Variants in UNC5D observed in about 807,000 individuals in gnomAD.
UNC5D encodes netrin receptor UNC5D.
In UNC5D, 39 loss-of-function variants were observed where a neutral mutation model predicts 105.4. The observed-to-expected ratio is 0.37, with a 90% CI of 0.29 to 0.48. UNC5D has a LOEUF of 0.48. Ranked by LOEUF, UNC5D falls within the 20% of genes least tolerant of loss-of-function variation. The pLI is 0.98. For synonymous variants in UNC5D, 452 were observed against 450.4 expected (o/e 1.00, Z -0.04); for missense variants, 991 against 1,202.4 (o/e 0.82, Z 2.60).
chr8:35,266,277 G>A (rs969252528), intron 1 of UNC5D, among the ~76,000 whole-genome samples: 3 of 152,164 alleles, frequency 2.0e-5, no homozygotes, highest in Non-Finnish European at 2.9e-5. Context: ...TTGTAAAGGT[G>A]CCTGAAATAA....
In UNC5D at chr8:35,470,807, T is replaced by TAAAATA. The variant is rs11402474; in HGVS notation, c.104-78482_104-78481insATAAAA. Among the ~76,000 whole-genome samples, 69 of 130,522 alleles carry TAAAATA rather than the reference T, an allele frequency of 5.3e-4. 1 individual carries two copies. Among genetic ancestry groups the TAAAATA allele is most frequent in the African/African-American group, 1.7e-3 (58 of 34,706 alleles). The allele number at this position is 130,522 out of a possible 152,430, so 85.6% of individuals were successfully genotyped here. A position where few individuals can be genotyped will look rare whatever the true frequency, so the allele number is the denominator to read the frequency against. ...ATAAATAAATAAATAAATAAATAAA[T>TAAAATA]AAATAAAATAAAAAGAATGAGCAGA... On this transcript the variant is annotated intron_variant, in intron 1 of 16. Transcript: ENST00000404895.
At chr8:35,652,095 T>C (rs1823446280) in intron 4 of UNC5D, among the ~76,000 whole-genome samples, 1 of 152,202 alleles carries the variant, frequency 6.6e-6, no homozygotes, top group South Asian at 2.1e-4. Context: ...ATAGAAGTTG[T>C]TATATATGAG....
intron 1 of UNC5D, among the ~76,000 whole-genome samples, chr8:35,516,393 C>T (rs936471407): frequency 6.6e-6 from 1 of 152,188 alleles, no homozygotes; most frequent in African/African-American, 2.4e-5. Context: ...TTGCACCAGA[C>T]GTTTGTACTT....
At chr8:35,571,112 A>C (rs1191945729) in intron 3 of UNC5D, among the ~76,000 whole-genome samples, 1 of 152,126 alleles carries the variant, frequency 6.6e-6, no homozygotes, top group Non-Finnish European at 1.5e-5. Context: ...CAGCCTCCCA[A>C]AGTGCTGGGA....
chr8:35,519,370 TC>T (rs1196336308), intron 1 of UNC5D, among the ~76,000 whole-genome samples: 1 of 152,146 alleles, frequency 6.6e-6, no homozygotes, highest in African/African-American at 2.4e-5. Flanking sequence ...ATATATTATG[TC>T]CCATCTGCTT....
At chr8:35,586,670 C>A (rs1818815393) in intron 3 of UNC5D, among the ~76,000 whole-genome samples, 1 of 152,072 alleles carries the variant, frequency 6.6e-6, no homozygotes, top group Non-Finnish European at 1.5e-5. Flanking sequence ...AGATTCAAAG[C>A]CTATTTGAAT....
At position 35,688,243 on chromosome 8, in the gene UNC5D, C is replaced by CA. The variant is rs572052920; in HGVS notation, c.1084+1548dup. Among the ~76,000 whole-genome samples, 1,174 of 128,778 alleles carry CA rather than the reference C, an allele frequency of 9.1e-3. 7 individuals are homozygous for CA. Among genetic ancestry groups the CA allele is most frequent in the South Asian group, 0.016 (64 of 4,030 alleles). The allele number at this position is 128,778 out of a possible 152,430, so 84.5% of individuals were successfully genotyped here. A position where few individuals can be genotyped will look rare whatever the true frequency, so the allele number is the denominator to read the frequency against. ...GGAAATTTCTCTGGGAAATATCCAG[C>CA]AAAAAAAAAAAAAAGATACCATAGC... On this transcript the variant is annotated intron_variant, in intron 7 of 16. Transcript: ENST00000404895.
chr8:35,599,611 A>G (rs1310973164), intron 4 of UNC5D, among the ~76,000 whole-genome samples: 1 of 152,180 alleles, frequency 6.6e-6, no homozygotes, highest in Non-Finnish European at 1.5e-5. Flanking sequence ...AGGTTATCCC[A>G]GGGTTAGCCC....
intron 1 of UNC5D, among the ~76,000 whole-genome samples, chr8:35,402,422 A>G (rs71513756): frequency 0.04 from 6,092 of 152,058 alleles, 177 homozygotes; most frequent in Middle Eastern, 0.061. Flanking sequence ...ACTTACCACC[A>G]CCGGAACAGT....
At chr8:35,673,520 A>G (rs1824975353) in intron 4 of UNC5D, among the ~76,000 whole-genome samples, 1 of 152,188 alleles carries the variant, frequency 6.6e-6, no homozygotes, top group African/African-American at 2.4e-5. Context: ...TTCTAGTTCT[A>G]CCATTTCCCA....
At chr8:35,319,405 G>C (rs935667834) in intron 1 of UNC5D, among the ~76,000 whole-genome samples, 1 of 152,102 alleles carries the variant, frequency 6.6e-6, no homozygotes, top group African/African-American at 2.4e-5. Context: ...TAAGGGCTGT[G>C]CAGAAGGCTG....
chr8:35,382,600 G>C (rs1427242073), intron 1 of UNC5D, among the ~76,000 whole-genome samples: 4 of 152,140 alleles, frequency 2.6e-5, no homozygotes, highest in Admixed American at 2.0e-4. Flanking sequence ...GTGTTGTCTT[G>C]AGATGGGGCT....
chr8:35,236,113 T>C (rs1802442090), intron 1 of UNC5D, among the ~76,000 whole-genome samples: 1 of 152,098 alleles, frequency 6.6e-6, no homozygotes, highest in Non-Finnish European at 1.5e-5. Flanking sequence ...CCCGGGCCCC[T>C]ACCGTTTTCC....
At chr8:35,383,903 A>G (rs1803199832) in intron 1 of UNC5D, among the ~76,000 whole-genome samples, 1 of 151,858 alleles carries the variant, frequency 6.6e-6, no homozygotes, top group Admixed American at 6.6e-5. Context: ...ACATAACAAG[A>G]CCCTGTCTCT....
chr8:35,783,354 C>T (rs10086663), intron 16 of UNC5D, among the ~76,000 whole-genome samples: 51 of 152,082 alleles, frequency 3.4e-4, no homozygotes, highest in African/African-American at 1.2e-3. Context: ...AAATGCAATC[C>T]CCTAGTATAT....
chr8:35,475,695 G>T (rs1810039309), intron 1 of UNC5D, among the ~76,000 whole-genome samples: 1 of 152,152 alleles, frequency 6.6e-6, no homozygotes, highest in South Asian at 2.1e-4. Context: ...TAACAAAGGG[G>T]TGGGGACAAA....
chr8:35,619,108 A>G (rs1449966291), intron 4 of UNC5D, among the ~76,000 whole-genome samples: 1 of 152,240 alleles, frequency 6.6e-6, no homozygotes, highest in Non-Finnish European at 1.5e-5. Flanking sequence ...GACAAGCTCA[A>G]GCATCCAACA....
In UNC5D at chr8:35,367,045, C is replaced by G. The variant is rs149673150; in HGVS notation, c.103+131158C>G. ...ACAGAAGTAACAACAGGCTGCAGAT[C>G]TCTTAAAATCATACTAGTAATTTTT... On this transcript the variant is annotated intron_variant, in intron 1 of 16. Transcript: ENST00000404895. Among the ~76,000 whole-genome samples, 58 of 152,290 alleles carry G rather than the reference C, an allele frequency of 3.8e-4. 2 individuals carry two copies. In the East Asian group the frequency reaches 0.01, roughly 27 times the overall value.
chr8:35,475,728 G>A (rs150736715), intron 1 of UNC5D, among the ~76,000 whole-genome samples: 191 of 152,234 alleles, frequency 1.3e-3, no homozygotes, highest in East Asian at 0.011. Context: ...CAAATTTTTT[G>A]TTTTGAGTTT....
Sources: allele counts gnomAD v4.1 joint callset (sites outside exome capture counted in the v4.1 genomes callset), GRCh38; gene constraint gnomAD v4.1.1; transcripts MANE v1.5; gene names NCBI Gene and HGNC (gene_info 2026-07-23, HGNC 2026-07-21).